COPS4: variants seen among roughly 807,000 people sequenced by gnomAD.
COPS4 encodes COP9 signalosome subunit 4, also known as COP9 signalosome complex subunit 4.
COPS4 carries 8 observed loss-of-function variants against 55.1 expected under a neutral mutation model. The observed-to-expected ratio is 0.15, with a 90% CI of 0.09 to 0.26. COPS4 has a LOEUF of 0.26. COPS4 is among the 10% of genes least tolerant of loss of function. COPS4 has a pLI of 1.00. For synonymous variants in COPS4, 185 were observed against 165.7 expected, an observed-to-expected ratio of 1.12 and a Z score of -0.90; for missense variants, 248 against 484.0, an observed-to-expected ratio of 0.51 and a Z score of 4.58.
intron 4 of COPS4, among the ~76,000 whole-genome samples, chr4:83,051,598 G>A (rs1325209597): frequency 6.6e-5 from 10 of 152,174 alleles, no homozygotes; most frequent in African/African-American, 2.4e-4. Flanking sequence ...GAAAGTTGGA[G>A]TGGGGAAGAA....
chr4:83,051,331 G>A (rs752650722), intron 4 of COPS4, among the ~76,000 whole-genome samples: 3 of 152,052 alleles, frequency 2.0e-5, no homozygotes, highest in Non-Finnish European at 4.4e-5. Flanking sequence ...AAGCTGAGGC[G>A]AGAGGATTGT....
At chr4:83,049,739 A>C (rs1730814174) in intron 3 of COPS4, 142 bp from the exon 4 acceptor site, 2 of 569,188 alleles carry the variant, frequency 3.5e-6, no homozygotes, top group Admixed American at 3.4e-5. Context: ...TCGTAGGAAA[A>C]CTTGGGTGGT....
rs1288285632 is a variant in COPS4 at position 83,035,199 on chromosome 4, G to A, written c.-26G>A. On this transcript the variant is annotated 5_prime_UTR_variant, in exon 1 of 10. Coordinates refer to ENST00000264389, the MANE Select transcript of COPS4 (RefSeq NM_016129.3). ...TTCTTTTTGGCTGCCAGAGGCCCCC[G>A]CATCCACCGCTGAGCTGGGAGAAAG... 6 of 1,538,116 alleles carry A rather than the reference G, an allele frequency of 3.9e-6. No individual in the cohort carries two copies. The highest frequency in any genetic ancestry group is 1.7e-5 in the Admixed American group (1 of 57,336).
chr4:83,070,875 A>G (rs1478965843), intron 9 of COPS4, among the ~76,000 whole-genome samples: 2 of 152,232 alleles, frequency 1.3e-5, no homozygotes, highest in East Asian at 1.9e-4. Context: ...AAGTTCTACA[A>G]AGTCTCCCAA....
chr4:83,066,034 C>T (rs1356227044), intron 7 of COPS4, among the ~76,000 whole-genome samples: 2 of 152,140 alleles, frequency 1.3e-5, no homozygotes, highest in Non-Finnish European at 2.9e-5. Flanking sequence ...CACCTGTAGT[C>T]CCAGCTGCTC....
At position 83,066,511 on chromosome 4, in the gene COPS4, C is replaced by T. The variant is rs765094308; in HGVS notation, c.960C>T (p.Thr320=). Residue 320 remains threonine, a synonymous_variant, in exon 8 of 10, where the codon ACC becomes ACT. Coordinates refer to ENST00000264389, the MANE Select transcript of COPS4 (RefSeq NM_016129.3). ...CAAGCAAATTATATAATAATATTAC[C>T]TTCGAAGAACTTGGAGCTCTTTTAG... ...LSASKLYNNI[T]FEELGALLEI... 6 of 1,597,608 alleles carry T rather than the reference C, an allele frequency of 3.8e-6. No homozygotes were observed. The highest frequency in any genetic ancestry group is 3.5e-5 in the South Asian group (3 of 86,844).
At chr4:83,046,813 T>C (rs1730731555) in intron 2 of COPS4, among the ~76,000 whole-genome samples, 1 of 152,198 alleles carries the variant, frequency 6.6e-6, no homozygotes, top group Non-Finnish European at 1.5e-5. Flanking sequence ...TAGGTACAGG[T>C]ATCCCTGTAT....
chr4:83,049,522 T>A, intron 3 of COPS4: 1 of 531,148 alleles, frequency 1.9e-6, no homozygotes, highest in Non-Finnish European at 3.2e-6. Context: ...TAAAATTTGA[T>A]TTTGTGAATC....
chr4:83,041,425 C>G (rs1351633513), intron 1 of COPS4, among the ~76,000 whole-genome samples: 1 of 152,110 alleles, frequency 6.6e-6, no homozygotes, highest in East Asian at 1.9e-4. Flanking sequence ...TCACATTTCT[C>G]TTTGTATACT....
In COPS4 at chr4:83,075,310, G is replaced by A; in HGVS notation, c.1101G>A (p.Leu367=). ...GIVHFETREA[L]PTWDKQIQSL... ...TTTTCCCCTTAGCACGAGAAGCCCT[G>A]CCAACGTGGGATAAGCAGATCCAAT... The change falls in exon 10 of 10, where the codon CTG becomes CTA. Residue 367 remains leucine, a synonymous_variant. Coordinates refer to ENST00000264389, the MANE Select transcript of COPS4 (RefSeq NM_016129.3). The A allele has an allele frequency of 6.2e-7, 1 of 1,613,600 alleles. No individual in the cohort carries two copies. The highest frequency in any genetic ancestry group is 8.5e-7 in the Non-Finnish European group (1 of 1,179,862).
At chr4:83,046,377 A>T (rs1328868186) in intron 2 of COPS4, among the ~76,000 whole-genome samples, 1 of 152,212 alleles carries the variant, frequency 6.6e-6, no homozygotes, top group Non-Finnish European at 1.5e-5. Context: ...CAGTTTGGAG[A>T]TTATTCAAAG....
chr4:83,040,724 AT>A (rs33940832), intron 1 of COPS4, among the ~76,000 whole-genome samples: 9,104 of 114,162 alleles, frequency 0.08, 977 homozygotes, highest in African/African-American at 0.26. Flanking sequence ...ATGCAATTAC[AT>A]TTTTTTTTTC....
intron 1 of COPS4, chr4:83,035,513 A>G (rs2126126323): frequency 2.6e-6 from 1 of 377,480 alleles, no homozygotes; most frequent in Non-Finnish European, 5.2e-6. Flanking sequence ...TAGACTTGAA[A>G]TGATTGTCAG....
intron 2 of COPS4, among the ~76,000 whole-genome samples, chr4:83,048,269 G>A (rs1170425930): frequency 1.3e-5 from 2 of 152,160 alleles, no homozygotes; most frequent in African/African-American, 4.8e-5. Context: ...AGTAGTGGTA[G>A]AAGCAGTGTG....
intron 1 of COPS4, among the ~76,000 whole-genome samples, chr4:83,040,943 A>C (rs970438901): frequency 6.6e-6 from 1 of 151,938 alleles, no homozygotes; most frequent in African/African-American, 2.4e-5. Context: ...AAGAATCAAC[A>C]TACTGAATTT....
At chr4:83,054,880 A>T (rs1730978200) in intron 4 of COPS4, among the ~76,000 whole-genome samples, 1 of 152,232 alleles carries the variant, frequency 6.6e-6, no homozygotes, top group Non-Finnish European at 1.5e-5. Flanking sequence ...TTTTCTTTCA[A>T]AAAATGATTC....
intron 7 of COPS4, among the ~76,000 whole-genome samples, chr4:83,064,213 T>C (rs552019449): frequency 6.6e-6 from 1 of 152,076 alleles, no homozygotes; most frequent in Admixed American, 6.6e-5. Flanking sequence ...GGTACATACC[T>C]GTGGTTCTAG....
chr4:83,049,071 A>G, intron 2 of COPS4, 95 bp from the exon 3 acceptor site: 1 of 1,143,376 alleles, frequency 8.7e-7, no homozygotes, highest in Admixed American at 2.3e-5. Context: ...GTACTAATAT[A>G]GATTGTTGTT....
At chr4:83,066,937 A>T (rs1731305568) in intron 8 of COPS4, among the ~76,000 whole-genome samples, 1 of 152,230 alleles carries the variant, frequency 6.6e-6, no homozygotes, top group South Asian at 2.1e-4. Flanking sequence ...TCATTTACAA[A>T]ATATTCTCTT....
Sources: gnomAD v4.1 joint callset for allele counts (sites outside exome capture counted in the v4.1 genomes callset) on GRCh38, gnomAD v4.1.1 for gene constraint, MANE v1.5 for transcripts, NCBI Gene and HGNC (gene_info 2026-07-23, HGNC 2026-07-21) for gene names.